Variants in NIPA2 observed in about 807,000 individuals in gnomAD.
NIPA2 encodes magnesium transporter NIPA2.
NIPA2 carries 11 observed loss-of-function variants against 29.7 expected under a neutral mutation model. The observed-to-expected ratio is 0.37, with a 90% CI of 0.23 to 0.61. The LOEUF (loss-of-function observed/expected upper bound fraction) is 0.61, where lower values mean the gene tolerates loss of function less well. Ranked by LOEUF, NIPA2 falls within the 20% of genes least tolerant of loss-of-function variation. NIPA2 has a pLI of 0.66. For synonymous variants in NIPA2, 183 were observed against 161.9 expected, an observed-to-expected ratio of 1.13 and a Z score of -0.99; for missense variants, 426 against 437.9, an observed-to-expected ratio of 0.97 and a Z score of 0.24.
intron 7 of NIPA2, among the ~76,000 whole-genome samples, chr15:22,864,595 TG>T (rs2058850829): frequency 6.6e-6 from 1 of 152,186 alleles, no homozygotes; most frequent in Admixed American, 6.5e-5. Context: ...CTCAGCTTCC[TG>T]GAACTCTGTG....
intron 5 of NIPA2, among the ~76,000 whole-genome samples, chr15:22,857,840 A>T (rs1409510596): frequency 1.3e-5 from 2 of 149,770 alleles, no homozygotes; most frequent in Non-Finnish European, 3.0e-5. Flanking sequence ...CCATCTCAAA[A>T]AAAAAAAAAA....
chr15:22,858,220 C>T (rs887269599), intron 5 of NIPA2, among the ~76,000 whole-genome samples: 2 of 151,980 alleles, frequency 1.3e-5, no homozygotes, highest in African/African-American at 2.4e-5. Context: ...GGTGAAACTC[C>T]GTCTCTACTA....
chr15:22,865,184 G>A (rs1033918872), intron 7 of NIPA2, among the ~76,000 whole-genome samples: 1 of 149,222 alleles, frequency 6.7e-6, no homozygotes, highest in Non-Finnish European at 1.5e-5. Context: ...TTGTGTATTT[G>A]TGTCTTTAAT....
chr15:22,860,550 T>G, intron 6 of NIPA2, 79 bp from the exon 7 acceptor site: 1 of 974,480 alleles, frequency 1.0e-6, no homozygotes, highest in Non-Finnish European at 1.5e-6. Context: ...TTCAGTGATT[T>G]AAATTACGAG....
rs751143367 is a variant in NIPA2 at position 22,866,779 on chromosome 15, AC to A, written c.1017del (p.Cys340ValfsTer18). ...TCTTAATAATAATGAAGAAAGCTTA[AC>A]CTGTGGAATCGAACAACACACTGGT... The part of the protein sequence containing the change: ...EVLNNNEESL[T>X]CGIEQHTGEN... On this transcript the variant is annotated frameshift_variant, in exon 8 of 8. Coordinates refer to ENST00000337451, the MANE Select transcript of NIPA2 (RefSeq NM_030922.7). LOFTEE classifies it high-confidence loss of function. 6.2e-7 allele frequency: 1 copy of A among 1,613,466 alleles called. No individual in the cohort carries two copies. Among genetic ancestry groups the A allele is most frequent in the South Asian group, 1.1e-5 (1 of 90,944 alleles).
rs548683398 is a variant in NIPA2, at chr15:22,851,941, A to G, written c.139+71A>G. The G allele has an allele frequency of 6.9e-6, 9 of 1,306,204 alleles. No homozygotes were observed. The African/African-American group carries it at 1.0e-4, about 15-fold the overall frequency. The allele number at this position is 1,306,204 out of a possible 1,614,324, so 80.9% of individuals were successfully genotyped here. ...TACATGCACAGGTTCTTTGTACAAG[A>G]CCACATCTTCATTCCTCGTGAGTGT... On this transcript the variant is annotated intron_variant, in intron 4 of 7. Transcript: ENST00000337451.
chr15:22,860,491 C>A, intron 6 of NIPA2, 138 bp from the exon 7 acceptor site: 1 of 624,664 alleles, frequency 1.6e-6, no homozygotes. Context: ...TACTTTTTTT[C>A]CTTGGCGAAA....
intron 2 of NIPA2, among the ~76,000 whole-genome samples, chr15:22,842,454 C>G (rs1467385187): frequency 2.0e-5 from 3 of 152,126 alleles, no homozygotes; most frequent in South Asian, 4.1e-4. Context: ...CTTTGGGAGG[C>G]TGAGGTGGGT....
In NIPA2 at chr15:22,860,630, G is replaced by A; in HGVS notation, c.289G>A (p.Ala97Thr). The A allele has an allele frequency of 6.5e-7, 1 of 1,547,344 alleles. No homozygotes were observed. The highest frequency in any genetic ancestry group is 8.7e-7 in the Non-Finnish European group (1 of 1,153,804). ...AATTTTTTTTCCTCCCCATTTTAGT[G>A]CCATTCTTTCTTCATACTTTCTCAA... ...PLGALSVLVS[A>T]ILSSYFLNER... Residue 97 changes from alanine to threonine, a missense_variant and splice_region_variant, in exon 7 of 8, where the codon GCC (alanine) becomes ACC (threonine). Transcript: ENST00000337451.
chr15:22,850,537 G>T (rs774993364), intron 3 of NIPA2, among the ~76,000 whole-genome samples: 4 of 152,134 alleles, frequency 2.6e-5, no homozygotes, highest in Non-Finnish European at 5.9e-5. Flanking sequence ...TGATAATGTC[G>T]TGTTTACCAT....
In NIPA2 at chr15:22,867,354, T is replaced by TAA. The variant is rs2059171204; in HGVS notation, c.*508_*509dup. 5.1e-6 allele frequency: 2 copies of TAA among 394,790 alleles called. No homozygotes were observed. Among genetic ancestry groups the TAA allele is most frequent in the East Asian group, 3.6e-5 (1 of 27,828 alleles). The allele number at this position is 394,790 out of a possible 1,614,324, so 24.5% of individuals were successfully genotyped here. ...TTTGAAATATTTATTAAGGGAAAAC[T>TAA]AAGTTACTGAATGAAGGAACCTCTT... On this transcript the variant is annotated 3_prime_UTR_variant, in exon 8 of 8. Transcript: ENST00000337451.
intron 2 of NIPA2, among the ~76,000 whole-genome samples, chr15:22,843,477 G>C (rs1315317378): frequency 6.7e-6 from 1 of 149,212 alleles, no homozygotes; most frequent in Non-Finnish European, 1.5e-5. Context: ...CTGCACTCCA[G>C]CCTGGGGGAC....
chr15:22,844,520 C>T (rs372930210), intron 2 of NIPA2, among the ~76,000 whole-genome samples: 1 of 151,734 alleles, frequency 6.6e-6, no homozygotes, highest in South Asian at 2.1e-4. Flanking sequence ...CGCCATCGCA[C>T]TCCAGCCCGG....
rs749723731 is a variant in NIPA2 at position 22,866,756 on chromosome 15, TTAA to T, written c.1000_1002del (p.Asn334del). On this transcript the variant is annotated inframe_deletion, in exon 8 of 8. Transcript: ENST00000337451. ...AATCTCTCTAATATGTATGAAGTTC[TTAA>T]TAATAATGAAGAAAGCTTAACCTGT... 22 of 1,613,600 alleles carry T rather than the reference TTAA, an allele frequency of 1.4e-5. No individual in the cohort carries two copies. The highest frequency in any genetic ancestry group is 6.6e-5 in the South Asian group (6 of 91,070).
chr15:22,865,433 C>G (rs2058949193), intron 7 of NIPA2, among the ~76,000 whole-genome samples: 1 of 151,774 alleles, frequency 6.6e-6, no homozygotes, highest in Non-Finnish European at 1.5e-5. Context: ...TTGCAGTGAG[C>G]CGAGATCGCA....
chr15:22,864,429 C>T (rs2058832428), intron 7 of NIPA2, among the ~76,000 whole-genome samples: 1 of 152,216 alleles, frequency 6.6e-6, no homozygotes, highest in African/African-American at 2.4e-5. Context: ...GCTGGGATTA[C>T]AGGCGTGAGC....
At chr15:22,855,507 T>G (rs1186913236) in intron 5 of NIPA2, among the ~76,000 whole-genome samples, 2 of 152,222 alleles carry the variant, frequency 1.3e-5, no homozygotes, top group East Asian at 1.9e-4. Flanking sequence ...CCAGGCATTG[T>G]TCTAGGTGCT....
intron 5 of NIPA2, among the ~76,000 whole-genome samples, chr15:22,857,227 T>G (rs2058249319): frequency 6.6e-6 from 1 of 151,642 alleles, no homozygotes; most frequent in Non-Finnish European, 1.5e-5. Context: ...GGTCAGGAGT[T>G]CAAGACCAGC....
intron 5 of NIPA2, among the ~76,000 whole-genome samples, chr15:22,857,836 CAA>C (rs60523225): frequency 0.094 from 6,447 of 68,338 alleles, 176 homozygotes; most frequent in East Asian, 0.44. Context: ...GACTCCATCT[CAA>C]AAAAAAAAAA....
Sources: gnomAD v4.1 joint callset for allele counts (sites outside exome capture counted in the v4.1 genomes callset) on GRCh38, gnomAD v4.1.1 for gene constraint, MANE v1.5 for transcripts, NCBI Gene and HGNC (gene_info 2026-07-23, HGNC 2026-07-21) for gene names.